The following PCDH15 variants were observed in gnomAD, a reference collection of about 807,000 sequenced individuals.
PCDH15 encodes the protein protocadherin-15.
Under a neutral mutation model 178.5 loss-of-function variants are expected in PCDH15, and 129 were observed. That is an observed-to-expected ratio of 0.72 (90% CI 0.63 to 0.84). The LOEUF is 0.84. PCDH15 is among the 40% of genes least tolerant of loss of function. The probability of loss-of-function intolerance (pLI) is 0.00; values close to 1 mark genes in which losing one functional copy is unlikely to be tolerated. For missense variants in PCDH15, 2,230 were observed against 2,099.9 expected (o/e 1.06, Z -1.21); for synonymous variants, 800 against 732.0 (o/e 1.09, Z -1.50).
chr10:55,459,614 A>T (rs538202273), intron 2 of PCDH15, among the ~76,000 whole-genome samples: 85 of 152,210 alleles, frequency 5.6e-4, no homozygotes, highest in African/African-American at 1.9e-3. Context: ...GCAATGAAAA[A>T]TGGTGGCCAT....
chr10:54,726,621 C>G (rs4935549), intron 1 of PCDH15, among the ~76,000 whole-genome samples: 18,407 of 151,210 alleles, frequency 0.12, 1,242 homozygotes, highest in African/African-American at 0.17. Flanking sequence ...AGATTCACAA[C>G]AAAGTATAAA....
At chr10:54,424,047 C>A (rs1955902701) in intron 3 of PCDH15, among the ~76,000 whole-genome samples, 1 of 151,740 alleles carries the variant, frequency 6.6e-6, no homozygotes, top group Non-Finnish European at 1.5e-5. Flanking sequence ...TTCTGCACAG[C>A]AAAAGAAACT....
chr10:53,933,341 C>T (rs1169851457), intron 25 of PCDH15, among the ~76,000 whole-genome samples: 1 of 140,174 alleles, frequency 7.1e-6, no homozygotes, highest in Non-Finnish European at 1.5e-5. Flanking sequence ...CACCCCACAA[C>T]AGTCCCCCGT....
intron 2 of PCDH15, among the ~76,000 whole-genome samples, chr10:54,944,905 G>A (rs959865144): frequency 5.3e-5 from 8 of 151,702 alleles, no homozygotes; most frequent in Admixed American, 2.6e-4. Context: ...AACTTAAATG[G>A]ACAATTTTTT....
At chr10:55,451,968 T>G (rs993213711) in intron 2 of PCDH15, among the ~76,000 whole-genome samples, 4 of 152,218 alleles carry the variant, frequency 2.6e-5, no homozygotes, top group Non-Finnish European at 4.4e-5. Context: ...AATGCAGTTA[T>G]ATCTGAATAG....
rs965831701 is a variant in PCDH15 at position 54,015,780 on chromosome 10, C to T, written c.2751+4412G>A. Among the ~76,000 whole-genome samples, 65 of 152,202 alleles carry T rather than the reference C, an allele frequency of 4.3e-4. 2 individuals are homozygous for T. In the Middle Eastern group the frequency reaches 0.02, roughly 48 times the overall value. ...ACGGATTGAAGACTTCAATGTCAAA[C>T]CTAAAACTATAAAAACACAAAGATA... On this transcript the variant is annotated intron_variant, in intron 20 of 37. Coordinates refer to ENST00000644397, the MANE Select transcript of PCDH15 (RefSeq NM_001384140.1).
chr10:55,168,755 G>A (rs1303231546), intron 1 of PCDH15, among the ~76,000 whole-genome samples: 2 of 152,176 alleles, frequency 1.3e-5, no homozygotes, highest in African/African-American at 4.8e-5. Context: ...TATCTTTTAT[G>A]TGTACAGTAT....
chr10:54,467,586 G>C (rs1454127092), intron 3 of PCDH15, among the ~76,000 whole-genome samples: 1 of 142,626 alleles, frequency 7.0e-6, no homozygotes, highest in East Asian at 2.0e-4. Flanking sequence ...TGTTCATCAA[G>C]GATATCAAGC....
At chr10:54,623,274 G>A (rs979200809) in intron 2 of PCDH15, among the ~76,000 whole-genome samples, 2 of 152,062 alleles carry the variant, frequency 1.3e-5, no homozygotes, top group African/African-American at 4.8e-5. Context: ...TTTGGCGGCA[G>A]AAGCTCTGCA....
intron 3 of PCDH15, among the ~76,000 whole-genome samples, chr10:54,519,612 A>G: frequency 6.6e-6 from 1 of 152,168 alleles, no homozygotes; most frequent in East Asian, 1.9e-4. Flanking sequence ...AGGAAGAATC[A>G]ATATTGTGAA....
intron 2 of PCDH15, among the ~76,000 whole-genome samples, chr10:54,939,661 C>G (rs1191957681): frequency 1.3e-5 from 2 of 151,800 alleles, no homozygotes; most frequent in Non-Finnish European, 2.9e-5. Context: ...CTTTTTTAAT[C>G]AGCAAAGGGA....
At chr10:55,118,262 T>TA (rs2132063231) in intron 2 of PCDH15, among the ~76,000 whole-genome samples, 1 of 152,190 alleles carries the variant, frequency 6.6e-6, no homozygotes, top group African/African-American at 2.4e-5. Context: ...AAAGGTTAAA[T>TA]AAAAAATCTG....
chr10:54,153,353 T>C, intron 13 of PCDH15, 60 bp from the exon 14 acceptor site: 2 of 1,571,008 alleles, frequency 1.3e-6, no homozygotes, highest in Non-Finnish European at 1.7e-6. Flanking sequence ...CACCATGTCG[T>C]TTTTTCCCCC....
intron 3 of PCDH15, among the ~76,000 whole-genome samples, chr10:54,817,401 G>C (rs994138324): frequency 2.0e-5 from 3 of 151,942 alleles, no homozygotes; most frequent in African/African-American, 2.4e-5. Flanking sequence ...CTAAAAGGTA[G>C]AGCAAGATAA....
intron 2 of PCDH15, among the ~76,000 whole-genome samples, chr10:55,098,781 G>A (rs953661906): frequency 3.9e-5 from 6 of 152,000 alleles, no homozygotes; most frequent in African/African-American, 1.4e-4. Flanking sequence ...ATAATTTGCG[G>A]TGGGCTGGTT....
chr10:54,339,773 A>C (rs541118254), intron 6 of PCDH15, among the ~76,000 whole-genome samples: 2 of 152,184 alleles, frequency 1.3e-5, no homozygotes, highest in Non-Finnish European at 2.9e-5. Flanking sequence ...TTGAAAACTC[A>C]TCAGGTTTCT....
intron 3 of PCDH15, among the ~76,000 whole-genome samples, chr10:54,842,490 T>G (rs771758230): frequency 3.9e-5 from 6 of 151,928 alleles, no homozygotes; most frequent in Admixed American, 1.3e-4. Context: ...GTCATTAAAT[T>G]CTATAAGGAA....
At chr10:54,891,122 G>A (rs1458896580) in intron 3 of PCDH15, among the ~76,000 whole-genome samples, 3 of 152,026 alleles carry the variant, frequency 2.0e-5, no homozygotes, top group Non-Finnish European at 2.9e-5. Context: ...CATTATCAAT[G>A]TTCTAAACAA....
chr10:54,343,269 C>A (rs11815598), intron 6 of PCDH15, among the ~76,000 whole-genome samples: 10,664 of 151,960 alleles, frequency 0.07, 482 homozygotes, highest in African/African-American at 0.12. Flanking sequence ...AGTTTTCCCC[C>A]TGCTGTTTTT....
Sources: allele counts gnomAD v4.1 joint callset (sites outside exome capture counted in the v4.1 genomes callset), GRCh38; gene constraint gnomAD v4.1.1; transcripts MANE v1.5; gene names NCBI Gene and HGNC (gene_info 2026-07-23, HGNC 2026-07-21).